Variants in CCR5AS observed in about 807,000 individuals in gnomAD.
CCR5AS encodes CCR5 antisense RNA.
At chr3:46,367,615 G>T (rs936547977) in intron 3 of CCR5AS, among the ~76,000 whole-genome samples, 4 of 152,196 alleles carry the variant, frequency 2.6e-5, no homozygotes, top group African/African-American at 4.8e-5. Flanking sequence ...CTGTCACCCA[G>T]GTTGGAGTGC....
At chr3:46,373,958 G>A (rs2106750432) in intron 2 of CCR5AS, 1 of 1,555,286 alleles carries the variant, frequency 6.4e-7, no homozygotes, top group African/African-American at 1.4e-5. Flanking sequence ...CTGTGGGCTT[G>A]TGACACGGAC....
intron 2 of CCR5AS, among the ~76,000 whole-genome samples, chr3:46,377,808 C>A (rs931634466): frequency 2.6e-5 from 4 of 151,980 alleles, no homozygotes; most frequent in African/African-American, 4.8e-5. Context: ...CGGGTTCAAG[C>A]AATTCTCCTG....
intron 2 of CCR5AS, chr3:46,372,995 C>T (rs1406813393): frequency 6.2e-7 from 1 of 1,613,936 alleles, no homozygotes; most frequent in Non-Finnish European, 8.5e-7. Flanking sequence ...TCGCAGCCCG[C>T]CTCCTGCCTC....
chr3:46,379,472 T>C (rs922820402), intron 2 of CCR5AS, among the ~76,000 whole-genome samples: 2 of 152,180 alleles, frequency 1.3e-5, no homozygotes, highest in Non-Finnish European at 2.9e-5. Flanking sequence ...CTATTATTGT[T>C]ATTGTAACTG....
intron 2 of CCR5AS, among the ~76,000 whole-genome samples, chr3:46,378,557 C>G (rs1701784329): frequency 6.6e-6 from 1 of 152,194 alleles, no homozygotes; most frequent in South Asian, 2.1e-4. Flanking sequence ...CCCGCGAGGC[C>G]ACATTGGCAA....
intron 2 of CCR5AS, among the ~76,000 whole-genome samples, chr3:46,371,596 G>A (rs1227607287): frequency 6.6e-6 from 1 of 152,160 alleles, no homozygotes; most frequent in East Asian, 1.9e-4. Flanking sequence ...GACTCACAGG[G>A]TTTAATAAGA....
intron 3 of CCR5AS, among the ~76,000 whole-genome samples, chr3:46,368,941 C>T (rs937559819): frequency 3.9e-5 from 6 of 152,182 alleles, no homozygotes; most frequent in Non-Finnish European, 7.3e-5. Flanking sequence ...CGGCAGCCTC[C>T]GGGGGTTCTG....
At chr3:46,391,557 C>T (rs1352241384) in intron 2 of CCR5AS, among the ~76,000 whole-genome samples, 2 of 152,148 alleles carry the variant, frequency 1.3e-5, no homozygotes, top group African/African-American at 4.8e-5. Context: ...ATGGACTCAG[C>T]TGGGTTTTCA....
intron 2 of CCR5AS, among the ~76,000 whole-genome samples, chr3:46,391,224 A>G (rs1014204503): frequency 2.6e-5 from 4 of 152,202 alleles, no homozygotes; most frequent in Admixed American, 2.0e-4. Context: ...GAGGTCCTGG[A>G]GAAATGCCTG....
intron 2 of CCR5AS, among the ~76,000 whole-genome samples, chr3:46,384,423 G>A (rs1280126032): frequency 6.6e-6 from 1 of 152,198 alleles, no homozygotes; most frequent in Non-Finnish European, 1.5e-5. Context: ...CACAGCTGCC[G>A]GCATTCACTC....
At chr3:46,388,701 AG>A (rs912592295) in intron 2 of CCR5AS, among the ~76,000 whole-genome samples, 1 of 152,230 alleles carries the variant, frequency 6.6e-6, no homozygotes, top group African/African-American at 2.4e-5. Flanking sequence ...AGAAATGCAA[AG>A]GAAGCAATTG....
At chr3:46,368,541 T>A (rs1701623317) in intron 3 of CCR5AS, among the ~76,000 whole-genome samples, 1 of 152,144 alleles carries the variant, frequency 6.6e-6, no homozygotes, top group East Asian at 1.9e-4. Flanking sequence ...AAAAGTGGAG[T>A]AACGCACACT....
At chr3:46,404,094 T>C (rs567445129) in intron 1 of CCR5AS, among the ~76,000 whole-genome samples, 1 of 152,254 alleles carries the variant, frequency 6.6e-6, no homozygotes, top group East Asian at 1.9e-4. Context: ...GAGCCTCACA[T>C]CCTTTGCCTT....
At chr3:46,377,566 TTTTC>T (rs1401206530) in intron 2 of CCR5AS, among the ~76,000 whole-genome samples, 13 of 152,336 alleles carry the variant, frequency 8.5e-5, no homozygotes, top group Admixed American at 7.8e-4. Flanking sequence ...AAATCATTTA[TTTTC>T]TATCACGGGG....
intron 1 of CCR5AS, among the ~76,000 whole-genome samples, chr3:46,395,522 A>G (rs1294705182): frequency 6.6e-6 from 1 of 152,206 alleles, no homozygotes; most frequent in African/African-American, 2.4e-5. Context: ...AGTGTCAGCA[A>G]CGTCAAATGT....
intron 2 of CCR5AS, chr3:46,371,509 C>G (rs891654157): frequency 1.3e-5 from 2 of 152,052 alleles, no homozygotes; most frequent in Non-Finnish European, 2.9e-5. Context: ...GTATATAATT[C>G]TTTATGGTTC....
intron 3 of CCR5AS, among the ~76,000 whole-genome samples, chr3:46,365,459 T>C (rs1701590872): frequency 6.6e-6 from 1 of 152,242 alleles, no homozygotes; most frequent in African/African-American, 2.4e-5. Context: ...GCATACTTAA[T>C]AGACTACAGT....
At position 46,372,543 on chromosome 3, in the gene CCR5AS, A is replaced by G. The variant is rs567947618; in HGVS notation, n.392-1126T>C. On this transcript the variant is annotated intron_variant and non_coding_transcript_variant, in intron 2 of 3. Transcript: ENST00000451485. Reference sequence around the variant, plus strand: ...GACCCTGTCTCACAACAACAACAACAACAACAAAAAGGCTGAGCTGCACCA... The same window carrying G: ...GACCCTGTCTCACAACAACAACAACGACAACAAAAAGGCTGAGCTGCACCA... 4.1e-5 allele frequency: 7 copies of G among 171,290 alleles called. No homozygotes were observed. In the South Asian group the frequency reaches 7.8e-4, roughly 19 times the overall value. 10.6% of individuals were successfully genotyped at this position (171,290 alleles called of 1,614,324 possible). A position where few individuals can be genotyped will look rare whatever the true frequency, so the allele number is the denominator to read the frequency against.
intron 2 of CCR5AS, chr3:46,373,592 G>A: frequency 6.2e-7 from 1 of 1,613,864 alleles, no homozygotes; most frequent in Non-Finnish European, 8.5e-7. Flanking sequence ...AGAAGAAGAG[G>A]CACAGGGCTG....
Sources: gnomAD v4.1 joint callset for allele counts (sites outside exome capture counted in the v4.1 genomes callset) on GRCh38, gnomAD v4.1.1 for gene constraint, MANE v1.5 for transcripts, NCBI Gene and HGNC (gene_info 2026-07-23, HGNC 2026-07-21) for gene names.